The following ERBB4 variants were observed in gnomAD, a reference collection of about 807,000 sequenced individuals.
ERBB4 encodes erb-b2 receptor tyrosine kinase 4, also known as receptor tyrosine-protein kinase erbB-4.
A neutral mutation model predicts 158.0 loss-of-function variants in ERBB4; 42 were observed. The observed-to-expected ratio is 0.27, with a 90% CI of 0.21 to 0.34. ERBB4 has a LOEUF of 0.34. ERBB4 is among the 10% of genes least tolerant of loss of function. The pLI, the probability that ERBB4 is intolerant of heterozygous loss-of-function variation, is 1.00. For synonymous variants in ERBB4, 583 were observed against 558.7 expected (o/e 1.04, Z -0.61); for missense variants, 1,333 against 1,624.1 (o/e 0.82, Z 3.08).
intron 2 of ERBB4, among the ~76,000 whole-genome samples, chr2:212,092,061 T>A (rs1439453575): frequency 6.6e-6 from 1 of 152,126 alleles, no homozygotes; most frequent in Non-Finnish European, 1.5e-5. Context: ...CTTGGAAAAA[T>A]TATTATAACT....
intron 4 of ERBB4, among the ~76,000 whole-genome samples, chr2:211,760,833 A>T (rs956956930): frequency 6.6e-6 from 1 of 152,230 alleles, no homozygotes; most frequent in Non-Finnish European, 1.5e-5. Context: ...ACAGCGCAGT[A>T]GGTATTTTAT....
chr2:212,055,238 T>G (rs926341322), intron 2 of ERBB4, among the ~76,000 whole-genome samples: 43 of 152,148 alleles, frequency 2.8e-4, no homozygotes, highest in Non-Finnish European at 8.8e-5. Flanking sequence ...AAGGCAGCAG[T>G]GAGTCTGGGG....
At position 211,431,104 on chromosome 2, in the gene ERBB4, A is replaced by C. The variant is rs1270584822; in HGVS notation, c.2488-4T>G. On this transcript the variant is annotated splice_region_variant and splice_polypyrimidine_tract_variant and intron_variant, in intron 20 of 27. Coordinates refer to ENST00000342788, the MANE Select transcript of ERBB4 (RefSeq NM_005235.3). ...TTTCTTCCAGGTACATCATTCCCTG[A>C]AAAATATCAAGTTCCTTAATGATAT... 6.2e-7 allele frequency: 1 copy of C among 1,613,062 alleles called. No homozygotes were observed. The highest frequency in any genetic ancestry group is 8.5e-7 in the Non-Finnish European group (1 of 1,179,434).
Position 212,398,763 on chromosome 2 carries a change from A to G in ERBB4, c.82+139686T>C, listed in dbSNP as rs2091103231. Among the ~76,000 whole-genome samples the G allele has an allele frequency of 2.6e-5, 4 of 152,280 alleles. No individual in the cohort carries two copies. In the South Asian group the frequency reaches 8.3e-4, roughly 32 times the overall value. ...TGACAATAATTCATGAAAGCATTTA[A>G]TGAGGAATCTCATCTTAAAAAAAAA... On this transcript the variant is annotated intron_variant, in intron 1 of 27. Transcript: ENST00000342788.
chr2:212,379,363 T>C (rs1483300453), intron 1 of ERBB4, among the ~76,000 whole-genome samples: 3 of 151,696 alleles, frequency 2.0e-5, no homozygotes, highest in African/African-American at 4.8e-5. Context: ...AGCACAGCTA[T>C]GTGAAGTTTA....
intron 3 of ERBB4, among the ~76,000 whole-genome samples, chr2:211,913,151 A>G (rs1179235747): frequency 2.0e-5 from 3 of 152,186 alleles, no homozygotes; most frequent in Non-Finnish European, 4.4e-5. Flanking sequence ...GCCTCTTGTC[A>G]GTGATTTTTC....
intron 20 of ERBB4, among the ~76,000 whole-genome samples, chr2:211,521,467 G>A (rs1248959751): frequency 1.3e-5 from 2 of 152,144 alleles, no homozygotes; most frequent in East Asian, 1.9e-4. Context: ...GAGGTATAAG[G>A]AAAGAAGGCA....
At chr2:212,446,464 T>G (rs1015410606) in intron 1 of ERBB4, among the ~76,000 whole-genome samples, 1 of 149,592 alleles carries the variant, frequency 6.7e-6, no homozygotes, top group Non-Finnish European at 1.5e-5. Flanking sequence ...CCCTCAGACA[T>G]CGAACTCCAC....
chr2:211,770,945 G>A (rs755356437), intron 4 of ERBB4, among the ~76,000 whole-genome samples: 19 of 152,182 alleles, frequency 1.2e-4, no homozygotes, highest in South Asian at 1.0e-3. Flanking sequence ...GAGGGGACTC[G>A]TGTATTTGGT....
At chr2:211,913,889 A>C (rs2079610941) in intron 3 of ERBB4, among the ~76,000 whole-genome samples, 1 of 151,636 alleles carries the variant, frequency 6.6e-6, no homozygotes, top group African/African-American at 2.4e-5. Flanking sequence ...AGGAATGAAC[A>C]CCTCAAATAA....
rs542519127 is a variant in ERBB4 at position 211,457,729 on chromosome 2, C to T, written c.2488-26629G>A. 3.9e-5 allele frequency among the ~76,000 whole-genome samples: 6 copies of T among 152,244 alleles called. No homozygotes were observed. In the South Asian group the frequency reaches 1.0e-3, roughly 26 times the overall value. On this transcript the variant is annotated intron_variant, in intron 20 of 27. Transcript: ENST00000342788. ...ATGTGGATTCTTCCTGCTTGTAATCCTCAACTATAAAGGCATTGCAAGAGT... is the reference window on the plus strand; with the variant it reads ...ATGTGGATTCTTCCTGCTTGTAATCTTCAACTATAAAGGCATTGCAAGAGT...
At chr2:211,985,276 AAGGAAGGGAGTAAGAG>A (rs2081909772) in intron 2 of ERBB4, among the ~76,000 whole-genome samples, 1 of 152,162 alleles carries the variant, frequency 6.6e-6, no homozygotes, top group Non-Finnish European at 1.5e-5. Context: ...GTAAAGAAAG[AAGGAAGGGAGTAAGAG>A]AGGAAGGGAA....
At chr2:211,966,098 C>A (rs2081303705) in intron 2 of ERBB4, among the ~76,000 whole-genome samples, 1 of 152,062 alleles carries the variant, frequency 6.6e-6, no homozygotes, top group African/African-American at 2.4e-5. Context: ...CCTGTGGTCC[C>A]AGCTACCCAG....
Position 212,089,159 on chromosome 2 carries a change from T to G in ERBB4, c.234+35593A>C, listed in dbSNP as rs76619038. On this transcript the variant is annotated intron_variant, in intron 2 of 27. Transcript: ENST00000342788. Reference sequence around the variant, plus strand: ...AGACTATATACAAATACCAACCTGATTTCACATTTTGTATCAATTAAAATA... The same window carrying G: ...AGACTATATACAAATACCAACCTGAGTTCACATTTTGTATCAATTAAAATA... Among the ~76,000 whole-genome samples, 62 of 152,258 alleles carry G rather than the reference T, an allele frequency of 4.1e-4. No individual in the cohort carries two copies. The East Asian group carries it at 0.011, about 27-fold the overall frequency.
intron 1 of ERBB4, among the ~76,000 whole-genome samples, chr2:212,375,816 G>A: frequency 6.6e-6 from 1 of 152,024 alleles, no homozygotes; most frequent in Non-Finnish European, 1.5e-5. Flanking sequence ...TAAAGTTGAA[G>A]CAAGAACAAA....
Position 211,402,665 on chromosome 2 carries a change from C to G in ERBB4, c.3136-14673G>C, listed in dbSNP as rs191072914. The stretch of plus-strand genomic sequence containing the variant: ...AAGAGAAGAGAGCAAAAACAAGCAG[C>G]AAGCTCATCCTAAGCGTATAGACAA... On this transcript the variant is annotated intron_variant, in intron 25 of 27. Transcript: ENST00000342788. Among the ~76,000 whole-genome samples the G allele has an allele frequency of 6.2e-4, 95 of 152,088 alleles. 1 individual carries two copies. The highest frequency in any genetic ancestry group is 1.9e-3 in the Admixed American group (29 of 15,250).
At chr2:212,251,677 A>G (rs2084539759) in intron 1 of ERBB4, among the ~76,000 whole-genome samples, 1 of 151,916 alleles carries the variant, frequency 6.6e-6, no homozygotes, top group Non-Finnish European at 1.5e-5. Context: ...GGGTGTGCCC[A>G]ATATATTTTA....
At chr2:211,906,109 G>A (rs992017179) in intron 3 of ERBB4, among the ~76,000 whole-genome samples, 35 of 152,108 alleles carry the variant, frequency 2.3e-4, no homozygotes, top group African/African-American at 8.4e-4. Context: ...GCATATGGCT[G>A]TTGTGTACAA....
intron 3 of ERBB4, among the ~76,000 whole-genome samples, chr2:211,887,483 A>G (rs932023995): frequency 3.9e-5 from 6 of 152,156 alleles, no homozygotes; most frequent in African/African-American, 1.4e-4. Flanking sequence ...CAAAAATTCA[A>G]CTAGATCCTA....
Sources: allele counts gnomAD v4.1 joint callset (sites outside exome capture counted in the v4.1 genomes callset), GRCh38; gene constraint gnomAD v4.1.1; transcripts MANE v1.5; gene names NCBI Gene and HGNC (gene_info 2026-07-23, HGNC 2026-07-21).